The following HTR3A variants were observed in gnomAD, a reference collection of about 807,000 sequenced individuals.
HTR3A encodes the protein 5-hydroxytryptamine receptor 3A.
HTR3A carries 45 observed loss-of-function variants against 54.8 expected under a neutral mutation model. The observed-to-expected ratio is 0.82, with a 90% CI of 0.65 to 1.05. The LOEUF (loss-of-function observed/expected upper bound fraction) is 1.05, where lower values mean the gene tolerates loss of function less well. Among genes scored for constraint, HTR3A ranks in the 50% least tolerant of loss-of-function variants. HTR3A has a pLI of 0.00. For synonymous variants in HTR3A, 297 were observed against 256.0 expected (o/e 1.16, Z -1.53); for missense variants, 657 against 614.0 (o/e 1.07, Z -0.74).
intron 5 of HTR3A, among the ~76,000 whole-genome samples, chr11:113,985,380 C>A (rs3853773): frequency 6.6e-6 from 1 of 152,170 alleles, no homozygotes; most frequent in African/African-American, 2.4e-5. Flanking sequence ...GGCAGCTGTG[C>A]TCACCACTAC....
chr11:113,975,931 A>G (rs909399133), intron 1 of HTR3A, among the ~76,000 whole-genome samples: 28 of 152,062 alleles, frequency 1.8e-4, no homozygotes, highest in Non-Finnish European at 3.7e-4. Flanking sequence ...CGGTTCCCCA[A>G]GTTCCTTTCC....
intron 8 of HTR3A, among the ~76,000 whole-genome samples, chr11:113,988,257 G>T (rs1027959981): frequency 1.3e-5 from 2 of 152,216 alleles, no homozygotes; most frequent in African/African-American, 4.8e-5. Context: ...ACTTCTGTAG[G>T]TGTATTTCCT....
In HTR3A at chr11:113,983,115, G is replaced by T. The variant is rs570555859; in HGVS notation, c.375-5G>T. On this transcript the variant is annotated splice_polypyrimidine_tract_variant and splice_region_variant and intron_variant, in intron 4 of 8. Coordinates refer to ENST00000504030, the MANE Select transcript of HTR3A (RefSeq NM_000869.6). Reference sequence around the variant, plus strand: ...CTCCCAAACTAACCCCTTTTCCCCCGCCAGCGTGGATGTGGGGAAGTCTCC... The same window carrying T: ...CTCCCAAACTAACCCCTTTTCCCCCTCCAGCGTGGATGTGGGGAAGTCTCC... 1 of 1,614,124 alleles carries T rather than the reference G, an allele frequency of 6.2e-7. No homozygotes were observed. The highest frequency in any genetic ancestry group is 8.5e-7 in the Non-Finnish European group (1 of 1,180,002).
intron 1 of HTR3A, among the ~76,000 whole-genome samples, chr11:113,975,631 C>T (rs181276443): frequency 3.3e-5 from 5 of 152,064 alleles, no homozygotes; most frequent in Non-Finnish European, 5.9e-5. Context: ...AAGAAGGGAG[C>T]AGAGAAGTAG....
At chr11:113,981,008 G>A (rs1459957080) in intron 3 of HTR3A, 195 bp from the exon 4 acceptor site, 3 of 601,888 alleles carry the variant, frequency 5.0e-6, no homozygotes, top group Non-Finnish European at 9.1e-6. Context: ...TGTTATGTGT[G>A]GAGGCAGAGT....
intron 2 of HTR3A, among the ~76,000 whole-genome samples, chr11:113,978,511 C>G (rs570519067): frequency 6.6e-6 from 1 of 152,256 alleles, no homozygotes; most frequent in African/African-American, 2.4e-5. Context: ...AATTACTCTA[C>G]CAAAATTAGT....
At chr11:113,988,676 A>G (rs1190601175) in intron 8 of HTR3A, among the ~76,000 whole-genome samples, 1 of 152,192 alleles carries the variant, frequency 6.6e-6, no homozygotes, top group Non-Finnish European at 1.5e-5. Flanking sequence ...AGGAAAGAGA[A>G]TCGCTTGAAC....
intron 1 of HTR3A, among the ~76,000 whole-genome samples, chr11:113,976,148 T>C (rs1307620240): frequency 1.3e-5 from 2 of 152,018 alleles, no homozygotes; most frequent in African/African-American, 2.4e-5. Flanking sequence ...CATCCAGGGG[T>C]TGGACAGACG....
At chr11:113,979,312 C>G (rs1000530277) in intron 3 of HTR3A, 35 bp downstream of exon 3, 13 of 1,567,416 alleles carry the variant, frequency 8.3e-6, no homozygotes, top group Non-Finnish European at 1.1e-5. Context: ...CCCCGTTACC[C>G]ATCCTCCTGG....
chr11:113,983,286 A>T lies in HTR3A; in HGVS notation c.541A>T (p.Thr181Ser). ...CSLTFTSWLH[T>S]IQDINISLWR... The stretch of plus-strand genomic sequence containing the variant: ...GCTGACCTTCACCAGTTGGCTGCAC[A>T]CCAGTGAGTATGTGGGCTTCGCCGG... Residue 181 changes from threonine to serine, a missense_variant, in exon 5 of 9, where the codon ACC becomes TCC. Transcript: ENST00000504030. 1 of 1,613,948 alleles carries T rather than the reference A, an allele frequency of 6.2e-7. No homozygotes were observed.
intron 1 of HTR3A, 51 bp from the exon 2 acceptor site, chr11:113,977,720 G>A (rs112021556): frequency 0.019 from 30,269 of 1,599,858 alleles, 421 homozygotes; most frequent in Middle Eastern, 0.025. Context: ...CAAGAGAACC[G>A]GGGGAAGTCT....
At chr11:113,983,808 T>G (rs753734455) in intron 5 of HTR3A, among the ~76,000 whole-genome samples, 2 of 152,184 alleles carry the variant, frequency 1.3e-5, no homozygotes, top group Non-Finnish European at 2.9e-5. Context: ...GCCTCCTAGC[T>G]GGTTTCCCCA....
Position 113,977,822 on chromosome 11 carries a change from A to G in HTR3A, c.119A>G (p.Tyr40Cys), listed in dbSNP as rs983354996. 1 of 1,614,124 alleles carries G rather than the reference A, an allele frequency of 6.2e-7. No homozygotes were observed. The highest frequency in any genetic ancestry group is 8.5e-7 in the Non-Finnish European group (1 of 1,180,040). Residue 40 changes from tyrosine to cysteine, a missense_variant, in exon 2 of 9, where the codon TAC (tyrosine) becomes TGC (cysteine). By Grantham distance (194) the Tyr-to-Cys change is radical. Transcript: ENST00000504030. ...TRPALLRLSDYLLTNYRKGVR... is the reference protein window; with the variant it reads ...TRPALLRLSDCLLTNYRKGVR... ...CCCGCTCTGCTGAGGCTGTCGGATT[A>G]CCTTTTGACCAACTACAGGAAGGGT...
At position 113,986,640 on chromosome 11, in the gene HTR3A, C is replaced by G; in HGVS notation, c.828C>G (p.Phe276Leu). The G allele has an allele frequency of 6.2e-7, 1 of 1,614,122 alleles. No individual in the cohort carries two copies. The highest frequency in any genetic ancestry group is 8.5e-7 in the Non-Finnish European group (1 of 1,180,042). ...LPPNSGERVS[F>L]KITLLLGYSV... ...CCAACAGTGGCGAGAGGGTCTCTTT[C>G]AAGATTACACTCCTCCTGGGCTACT... is the stretch of plus-strand genomic sequence containing the variant. The change falls in exon 7 of 9, where the codon TTC (phenylalanine) becomes TTG (leucine). Residue 276 changes from phenylalanine (F) to leucine (L), a missense_variant. Transcript: ENST00000504030.
intron 3 of HTR3A, among the ~76,000 whole-genome samples, chr11:113,980,795 G>A (rs911343983): frequency 5.9e-5 from 9 of 152,232 alleles, no homozygotes; most frequent in Admixed American, 5.9e-4. Flanking sequence ...GGCCATCCTG[G>A]CCTGAAAATG....
intron 4 of HTR3A, among the ~76,000 whole-genome samples, chr11:113,982,696 A>G (rs1366744966): frequency 6.6e-6 from 1 of 152,214 alleles, no homozygotes; most frequent in African/African-American, 2.4e-5. Context: ...AAGAGAAGCC[A>G]GAGTCAGGAT....
At chr11:113,984,652 C>T (rs1035665821) in intron 5 of HTR3A, among the ~76,000 whole-genome samples, 1 of 152,122 alleles carries the variant, frequency 6.6e-6, no homozygotes, top group African/African-American at 2.4e-5. Flanking sequence ...GGCGCGGTGG[C>T]TCACGCCTGT....
At position 113,989,198 on chromosome 11, in the gene HTR3A, G is replaced by GA. The variant is rs11325987; in HGVS notation, c.1139-252dup. Among the ~76,000 whole-genome samples the GA allele has an allele frequency of 0.26, 37,731 of 144,208 alleles. 5,701 individuals carry two copies. The highest frequency in any genetic ancestry group is 0.42 in the African/African-American group (16,430 of 39,028). The allele number at this position is 144,208 out of a possible 152,430, so 94.6% of individuals were successfully genotyped here. On this transcript the variant is annotated intron_variant, in intron 8 of 8. Coordinates refer to ENST00000504030, the MANE Select transcript of HTR3A (RefSeq NM_000869.6). The surrounding 1 kb of genome is among the most constrained non-coding windows in gnomAD (Gnocchi z 4.4). ...AACGTGGTGAAATCCAGTTTCTATT[G>GA]AAAAAAAAAAAAAAATTAGCCAGGT... is the stretch of plus-strand genomic sequence containing the variant.
intron 5 of HTR3A, among the ~76,000 whole-genome samples, chr11:113,985,311 G>A (rs1374554668): frequency 6.6e-6 from 1 of 152,084 alleles, no homozygotes; most frequent in Non-Finnish European, 1.5e-5. Context: ...TGGAGTTCAT[G>A]CACATTTAGG....
Sources: gnomAD v4.1 joint callset for allele counts (sites outside exome capture counted in the v4.1 genomes callset) on GRCh38, gnomAD v4.1.1 for gene constraint, Gnocchi (gnomAD v3.1) non-coding constraint, MANE v1.5 for transcripts, NCBI Gene and HGNC (gene_info 2026-07-23, HGNC 2026-07-21) for gene names.